FAF1: variants seen among roughly 807,000 people sequenced by gnomAD.
FAF1 encodes the protein Fas associated factor 1.
FAF1 carries 25 observed loss-of-function variants against 92.5 expected under a neutral mutation model. The ratio of observed to expected loss-of-function variants is 0.27; its 90% CI spans 0.20 to 0.38. The LOEUF is 0.38. Ranked by LOEUF, FAF1 falls within the 10% of genes least tolerant of loss-of-function variation. The pLI is 1.00. For missense variants in FAF1, 636 were observed against 793.3 expected (o/e 0.80, Z 2.38); for synonymous variants, 234 against 273.2 (o/e 0.86, Z 1.42).
intron 15 of FAF1, among the ~76,000 whole-genome samples, chr1:50,512,723 T>A (rs974874487): frequency 1.3e-5 from 2 of 152,228 alleles, no homozygotes; most frequent in African/African-American, 4.8e-5. Context: ...TAACGGCTCT[T>A]TTTTGGTTCC....
chr1:50,822,770 CTTTCTTT>C (rs1557545158), intron 2 of FAF1, among the ~76,000 whole-genome samples: 1 of 139,274 alleles, frequency 7.2e-6, no homozygotes, highest in African/African-American at 2.8e-5. Flanking sequence ...TTCTTTCTTT[CTTTCTTT>C]TTTTTTTTTT....
intron 8 of FAF1, among the ~76,000 whole-genome samples, chr1:50,639,651 T>G (rs1373131299): frequency 6.6e-6 from 1 of 152,106 alleles, no homozygotes; most frequent in East Asian, 1.9e-4. Flanking sequence ...AAGTAACAGC[T>G]TTGGCTGGGC....
chr1:50,612,878 C>T (rs1310554533), intron 8 of FAF1, among the ~76,000 whole-genome samples: 1 of 152,148 alleles, frequency 6.6e-6, no homozygotes, highest in Admixed American at 6.6e-5. Context: ...CTCTTAAAAC[C>T]GTTATTGTGA....
At chr1:50,504,497 T>C (rs1172111872) in intron 15 of FAF1, among the ~76,000 whole-genome samples, 1 of 151,336 alleles carries the variant, frequency 6.6e-6, no homozygotes, top group Non-Finnish European at 1.5e-5. Flanking sequence ...TTAAGAGACA[T>C]GGAAGACACA....
chr1:50,852,337 A>C (rs568843768), intron 2 of FAF1, among the ~76,000 whole-genome samples: 1 of 152,328 alleles, frequency 6.6e-6, no homozygotes, highest in Non-Finnish European at 1.5e-5. Flanking sequence ...ACAATAGAGA[A>C]AGAACAGACC....
At chr1:50,630,169 T>C (rs936792852) in intron 8 of FAF1, among the ~76,000 whole-genome samples, 1 of 152,142 alleles carries the variant, frequency 6.6e-6, no homozygotes, top group African/African-American at 2.4e-5. Flanking sequence ...GCAAAGATAA[T>C]ACAGAAGTCA....
intron 6 of FAF1, among the ~76,000 whole-genome samples, chr1:50,724,278 C>T (rs1044512864): frequency 5.4e-5 from 6 of 110,452 alleles, no homozygotes; most frequent in East Asian, 4.7e-4. Flanking sequence ...TATACATATA[C>T]ACACACACAC....
chr1:50,493,149 C>T (rs989007286), intron 15 of FAF1, among the ~76,000 whole-genome samples: 3 of 151,970 alleles, frequency 2.0e-5, no homozygotes, highest in South Asian at 4.1e-4. Flanking sequence ...TCTCCTGCCT[C>T]AGCCTCCCGA....
intron 8 of FAF1, among the ~76,000 whole-genome samples, chr1:50,609,694 T>C (rs943014861): frequency 6.6e-6 from 1 of 152,060 alleles, no homozygotes; most frequent in African/African-American, 2.4e-5. Context: ...TCCCAGCTTT[T>C]AAAAATGACA....
At chr1:50,746,245 A>AATATATATAT (rs1557506291) in intron 4 of FAF1, among the ~76,000 whole-genome samples, 2 of 71,532 alleles carry the variant, frequency 2.8e-5, no homozygotes, top group Admixed American at 2.0e-4. Context: ...ACCTGAAACG[A>AATATATATAT]ACATATATAT....
intron 2 of FAF1, among the ~76,000 whole-genome samples, chr1:50,841,945 T>C (rs1557553885): frequency 6.6e-6 from 1 of 152,104 alleles, no homozygotes; most frequent in East Asian, 1.9e-4. Context: ...TGGACTGTTA[T>C]ACTTCCTGAC....
chr1:50,538,773 A>G (rs1648617013), intron 14 of FAF1, among the ~76,000 whole-genome samples: 1 of 152,146 alleles, frequency 6.6e-6, no homozygotes, highest in Non-Finnish European at 1.5e-5. Context: ...AACACTGTTT[A>G]TGAAATTGAA....
intron 6 of FAF1, among the ~76,000 whole-genome samples, chr1:50,709,492 T>C (rs1657826467): frequency 6.6e-6 from 1 of 152,228 alleles, no homozygotes; most frequent in African/African-American, 2.4e-5. Context: ...TACAAAGAAC[T>C]ACTGATTATC....
At chr1:50,905,384 C>T (rs564965217) in intron 1 of FAF1, among the ~76,000 whole-genome samples, 174 of 152,276 alleles carry the variant, frequency 1.1e-3, no homozygotes, top group African/African-American at 3.9e-3. Flanking sequence ...ATTCATAATC[C>T]TTTGGATATA....
Position 50,846,477 on chromosome 1 carries a change from C to G in FAF1, c.114+11452G>C, listed in dbSNP as rs1210961705. On this transcript the variant is annotated intron_variant, in intron 2 of 18. Transcript: ENST00000396153. ...GCATCGAGCCTCCAGGCATGCCCCG[C>G]TATAAGCTGGCTTTAATCCTGAAAG... The G allele has an allele frequency of 1.0e-5, 5 of 478,582 alleles. No individual in the cohort carries two copies. The East Asian group carries it at 2.3e-4, about 22-fold the overall frequency. 29.6% of individuals were successfully genotyped at this position (478,582 alleles called of 1,614,324 possible). A position where few individuals can be genotyped will look rare whatever the true frequency, so the allele number is the denominator to read the frequency against.
At chr1:50,713,024 T>C (rs1456834700) in intron 6 of FAF1, among the ~76,000 whole-genome samples, 2 of 151,320 alleles carry the variant, frequency 1.3e-5, no homozygotes, top group African/African-American at 4.9e-5. Context: ...TAGCCCAGCA[T>C]GGTGGCACGC....
intron 6 of FAF1, among the ~76,000 whole-genome samples, chr1:50,721,789 G>C (rs925463442): frequency 6.6e-6 from 1 of 151,904 alleles, no homozygotes; most frequent in Admixed American, 6.6e-5. Context: ...ATGCCTGGCT[G>C]ATTTTTTACT....
intron 2 of FAF1, among the ~76,000 whole-genome samples, chr1:50,852,890 G>A (rs1465532694): frequency 6.6e-6 from 1 of 152,110 alleles, no homozygotes; most frequent in African/African-American, 2.4e-5. Flanking sequence ...TGGTTGTCAG[G>A]TTAAAAAACA....
At chr1:50,536,086 A>C (rs532179525) in intron 14 of FAF1, among the ~76,000 whole-genome samples, 120 of 152,328 alleles carry the variant, frequency 7.9e-4, no homozygotes, top group Non-Finnish European at 1.6e-3. Context: ...CCAGTGAAAG[A>C]AATAGTAATT....
Sources: gnomAD v4.1 joint callset for allele counts (sites outside exome capture counted in the v4.1 genomes callset) on GRCh38, gnomAD v4.1.1 for gene constraint, MANE v1.5 for transcripts, NCBI Gene and HGNC (gene_info 2026-07-23, HGNC 2026-07-21) for gene names.